Variants in MGAT5 observed in about 807,000 individuals in gnomAD.
The protein encoded by MGAT5 is alpha-1,6-mannosylglycoprotein 6-beta-N-acetylglucosaminyltransferase A.
A neutral mutation model predicts 94.3 loss-of-function variants in MGAT5; 30 were observed. The ratio of observed to expected loss-of-function variants is 0.32; its 90% CI spans 0.24 to 0.43. MGAT5 has a LOEUF of 0.43. Ranked by LOEUF, MGAT5 falls within the 20% of genes least tolerant of loss-of-function variation. The pLI, the probability that MGAT5 is intolerant of heterozygous loss-of-function variation, is 1.00. For synonymous variants in MGAT5, 310 were observed against 322.9 expected, an observed-to-expected ratio of 0.96 and a Z score of 0.43; for missense variants, 691 against 905.5, an observed-to-expected ratio of 0.76 and a Z score of 3.04.
At chr2:134,237,127 G>GTATGTA (rs796916298) in intron 1 of MGAT5, among the ~76,000 whole-genome samples, 1 of 139,986 alleles carries the variant, frequency 7.1e-6, no homozygotes, top group Admixed American at 6.9e-5. Flanking sequence ...GAGTATATGT[G>GTATGTA]TGTGTGTGTG....
chr2:134,373,512 G>A (rs762521280), intron 10 of MGAT5, among the ~76,000 whole-genome samples: 2 of 152,190 alleles, frequency 1.3e-5, no homozygotes, highest in Non-Finnish European at 2.9e-5. Flanking sequence ...TTGATTATGC[G>A]ATTTTCCACC....
chr2:134,438,722 T>C (rs1246161073), intron 14 of MGAT5, among the ~76,000 whole-genome samples: 1 of 151,918 alleles, frequency 6.6e-6, no homozygotes, highest in Non-Finnish European at 1.5e-5. Flanking sequence ...ATATAAGGAG[T>C]CATTTGAGGG....
At chr2:134,362,581 G>A (rs1680166314) in intron 10 of MGAT5, among the ~76,000 whole-genome samples, 173 bp downstream of exon 10, 1 of 152,212 alleles carries the variant, frequency 6.6e-6, no homozygotes, top group South Asian at 2.1e-4. Flanking sequence ...TTCTAACCAA[G>A]GCTGTATGTA....
chr2:134,327,397 T>C (rs1687703780), intron 4 of MGAT5, among the ~76,000 whole-genome samples: 1 of 152,106 alleles, frequency 6.6e-6, no homozygotes, highest in Non-Finnish European at 1.5e-5. Context: ...TCATTACTCT[T>C]GAGCTTTGGG....
Position 134,421,455 on chromosome 2 carries a change from C to T in MGAT5, c.1678-1348C>T, listed in dbSNP as rs184500361. Among the ~76,000 whole-genome samples the T allele has an allele frequency of 5.3e-5, 8 of 151,926 alleles. No homozygotes were observed. In the East Asian group the frequency reaches 7.8e-4, roughly 15 times the overall value. On this transcript the variant is annotated intron_variant, in intron 12 of 15. Coordinates refer to ENST00000281923, the MANE Select transcript of MGAT5 (RefSeq NM_002410.5). ...AAAAACTTAGCCAGGCATGGTGGTGCGCACCTATAGTTCCAGCTACTCAGG... is the reference window on the plus strand; with the variant it reads ...AAAAACTTAGCCAGGCATGGTGGTGTGCACCTATAGTTCCAGCTACTCAGG...
intron 1 of MGAT5, among the ~76,000 whole-genome samples, chr2:134,232,082 A>ACTCCTC (rs10674634): frequency 1.5e-4 from 22 of 149,868 alleles, no homozygotes; most frequent in South Asian, 6.4e-4. Flanking sequence ...GTCATTCTAT[A>ACTCCTC]CTCCTCCTCC....
intron 9 of MGAT5, among the ~76,000 whole-genome samples, chr2:134,351,573 A>G (rs1323382328): frequency 4.6e-5 from 7 of 152,168 alleles, no homozygotes; most frequent in Admixed American, 3.9e-4. Context: ...GGAGAATTTC[A>G]GCAGTATTGG....
chr2:134,248,645 A>G (rs1250525259), intron 1 of MGAT5, among the ~76,000 whole-genome samples: 2 of 151,994 alleles, frequency 1.3e-5, no homozygotes, highest in Non-Finnish European at 2.9e-5. Flanking sequence ...CAGTGAGGAC[A>G]GAGAGGTCTG....
At chr2:134,237,908 G>A (rs1040559145) in intron 1 of MGAT5, among the ~76,000 whole-genome samples, 1 of 151,548 alleles carries the variant, frequency 6.6e-6, no homozygotes, top group South Asian at 2.1e-4. Context: ...GTGCTACCAC[G>A]CTCAGCTAAT....
At chr2:134,134,075 A>C (rs185603173) in intron 1 of MGAT5, among the ~76,000 whole-genome samples, 1 of 152,194 alleles carries the variant, frequency 6.6e-6, no homozygotes, top group Non-Finnish European at 1.5e-5. Flanking sequence ...ATCTAGTGCT[A>C]TGTGACTTTT....
At chr2:134,381,953 C>A (rs1429723816) in intron 10 of MGAT5, among the ~76,000 whole-genome samples, 1 of 152,098 alleles carries the variant, frequency 6.6e-6, no homozygotes, top group East Asian at 1.9e-4. Context: ...AATTATTTTT[C>A]TAATAGAGCC....
At chr2:134,179,484 A>G (rs141468237) in intron 1 of MGAT5, among the ~76,000 whole-genome samples, 57 of 152,256 alleles carry the variant, frequency 3.7e-4, no homozygotes, top group Non-Finnish European at 5.1e-4. Flanking sequence ...TCTAGGAGCA[A>G]TGTTTCAGGA....
At chr2:134,170,129 T>C (rs1424133600) in intron 1 of MGAT5, among the ~76,000 whole-genome samples, 3 of 152,218 alleles carry the variant, frequency 2.0e-5, no homozygotes, top group Non-Finnish European at 4.4e-5. Flanking sequence ...GCCCGAGGCA[T>C]GTGGGTATAT....
At chr2:134,286,003 G>A (rs944679978) in intron 2 of MGAT5, among the ~76,000 whole-genome samples, 2 of 152,138 alleles carry the variant, frequency 1.3e-5, no homozygotes, top group South Asian at 2.1e-4. Context: ...TTTTCCCAGC[G>A]TTAATAATTT....
At chr2:134,191,500 G>A (rs1484448027) in intron 1 of MGAT5, among the ~76,000 whole-genome samples, 1 of 150,902 alleles carries the variant, frequency 6.6e-6, no homozygotes, top group Non-Finnish European at 1.5e-5. Flanking sequence ...GTGGGTTCGC[G>A]CCGTCTTTCG....
chr2:134,151,312 C>T (rs1687161401), intron 1 of MGAT5, among the ~76,000 whole-genome samples: 1 of 141,782 alleles, frequency 7.1e-6, no homozygotes. Flanking sequence ...TGCCATGGGA[C>T]CTCACTCACC....
At position 134,237,754 on chromosome 2, in the gene MGAT5, G is replaced by GTT. The variant is rs201862394; in HGVS notation, c.-142-16495_-142-16494dup. On this transcript the variant is annotated intron_variant, in intron 1 of 16. Transcript: ENST00000409645. ...AGGTTGGAGTGCAGTTTTTGTTTTT[G>GTT]TTTTTTTTTTTTTTGAGATGGAGTC... Among the ~76,000 whole-genome samples the GTT allele has an allele frequency of 4.3e-4, 13 of 29,950 alleles. 1 individual carries two copies. The highest frequency in any genetic ancestry group is 1.1e-3 in the African/African-American group (11 of 10,038). 19.6% of individuals were successfully genotyped at this position (29,950 alleles called of 152,430 possible).
intron 1 of MGAT5, among the ~76,000 whole-genome samples, chr2:134,198,756 G>A (rs1679621625): frequency 2.0e-5 from 3 of 152,114 alleles, no homozygotes; most frequent in Admixed American, 2.0e-4. Flanking sequence ...TCTGATCATG[G>A]GCCCACTTTG....
rs747571427 is a variant in MGAT5 at position 134,317,539 on chromosome 2, C to T, written c.417C>T (p.Asn139=). ...LEKINVADII[N]GAQEKCVLPP... is the part of the protein sequence containing the mutation. ...TTTCATTCTTCACAGATATCATTAA[C>T]GGAGCTCAAGAAAAATGTGTATTGC... Residue 139 remains asparagine (N), a synonymous_variant, in exon 3 of 16, where the codon AAC becomes AAT. Transcript: ENST00000281923. The T allele has an allele frequency of 5.7e-6, 9 of 1,566,940 alleles. No homozygotes were observed. Among genetic ancestry groups the T allele is most frequent in the Admixed American group, 3.8e-5 (2 of 52,454 alleles).
Sources: gnomAD v4.1 joint callset for allele counts (sites outside exome capture counted in the v4.1 genomes callset) on GRCh38, gnomAD v4.1.1 for gene constraint, MANE v1.5 for transcripts, NCBI Gene and HGNC (gene_info 2026-07-23, HGNC 2026-07-21) for gene names.